PROM2: variants seen among roughly 807,000 people sequenced by gnomAD.
The protein encoded by PROM2 is prominin 2, also known as prominin-2.
In PROM2, 90 loss-of-function variants were observed where a neutral mutation model predicts 110.2. That is an observed-to-expected ratio of 0.82 (90% CI 0.69 to 0.97). PROM2 has a LOEUF of 0.97. Among genes scored for constraint, PROM2 ranks in the 50% least tolerant of loss-of-function variants. The pLI is 0.00. For missense variants in PROM2, 1,009 were observed against 1,074.8 expected (o/e 0.94, Z 0.86); for synonymous variants, 470 against 467.8 (o/e 1.00, Z -0.06).
chr2:95,287,012 C>T, intron 18 of PROM2, 121 bp from the exon 19 acceptor site: 1 of 1,261,310 alleles, frequency 7.9e-7, no homozygotes, highest in East Asian at 2.4e-5. Flanking sequence ...TGGGGGATCA[C>T]CACCCTTGGC....
chr2:95,287,590 A>G, intron 20 of PROM2, 126 bp downstream of exon 20: 1 of 889,980 alleles, frequency 1.1e-6, no homozygotes, highest in Non-Finnish European at 1.7e-6. Context: ...ATCAAACCCA[A>G]ACTCCCAAAC....
intron 16 of PROM2, 139 bp downstream of exon 16, chr2:95,285,849 C>G: frequency 1.3e-6 from 1 of 778,372 alleles, no homozygotes; most frequent in South Asian, 1.7e-5. Context: ...TGACCCCTGG[C>G]TGGGCTGGAG....
intron 23 of PROM2, 65 bp downstream of exon 23, chr2:95,289,071 G>T: frequency 2.3e-6 from 3 of 1,320,968 alleles, no homozygotes; most frequent in Non-Finnish European, 3.3e-6. Context: ...GTGGGGAGGG[G>T]CTGGGGTCTG....
At chr2:95,281,796 TG>T in intron 12 of PROM2, 128 bp from the exon 13 acceptor site, 1 of 701,890 alleles carries the variant, frequency 1.4e-6, no homozygotes, top group South Asian at 1.7e-5. Flanking sequence ...AGGTGTGAGC[TG>T]GGGTGAGGGG....
intron 10 of PROM2, 23 bp downstream of exon 10, chr2:95,279,167 A>G (rs1163837916): frequency 2.6e-5 from 10 of 388,788 alleles, no homozygotes; most frequent in Non-Finnish European, 4.2e-5. Context: ...GCAGGGTGGG[A>G]TGGGGTGGGG....
intron 20 of PROM2, 147 bp from the exon 21 acceptor site, chr2:95,288,064 C>A: frequency 1.4e-6 from 1 of 701,072 alleles, no homozygotes; most frequent in South Asian, 1.7e-5. Flanking sequence ...ACCTGCCTCT[C>A]TGCATGTGTA....
At chr2:95,277,856 C>T (rs1676766126) in intron 7 of PROM2, 74 bp from the exon 8 acceptor site, 2 of 1,287,400 alleles carry the variant, frequency 1.6e-6, no homozygotes, top group African/African-American at 1.5e-5. Flanking sequence ...GCCCCTGCCC[C>T]CCTCATCCAC....
At chr2:95,277,090 T>C in intron 6 of PROM2, 29 bp downstream of exon 6, 1 of 1,538,954 alleles carries the variant, frequency 6.5e-7, no homozygotes, top group Non-Finnish European at 8.8e-7. Flanking sequence ...CTGGATAGTG[T>C]GGAGCCCAGC....
rs1336295569 is a variant in PROM2 at position 95,276,523 on chromosome 2, G to T, written c.619-71G>T. On this transcript the variant is annotated intron_variant, in intron 4 of 23. Coordinates refer to ENST00000317620, the MANE Select transcript of PROM2 (RefSeq NM_001165978.3). The surrounding 1 kb of genome is among the most constrained non-coding windows in gnomAD (Gnocchi z 4.6). The stretch of plus-strand genomic sequence containing the variant: ...TGGATGCCATAGGGGCAGGGAAGGG[G>T]CCAGGGAGAGAAGGGCGTAAGGACT... 6.2e-7 allele frequency: 1 copy of T among 1,609,420 alleles called. No individual in the cohort carries two copies. Among genetic ancestry groups the T allele is most frequent in the African/African-American group, 1.3e-5 (1 of 74,846 alleles).
At chr2:95,277,138 C>T (rs1385681073) in intron 6 of PROM2, 77 bp downstream of exon 6, 1 of 1,338,184 alleles carries the variant, frequency 7.5e-7, no homozygotes, top group East Asian at 2.5e-5. Context: ...GCACCTAGCC[C>T]TGGATTTCCT....
At position 95,276,607 on chromosome 2, in the gene PROM2, T is replaced by C; in HGVS notation, c.632T>C (p.Val211Ala). 4 of 1,613,508 alleles carry C rather than the reference T, an allele frequency of 2.5e-6. No individual in the cohort carries two copies. The highest frequency in any genetic ancestry group is 3.4e-6 in the Non-Finnish European group (4 of 1,179,954). The change falls in exon 5 of 24, where the codon GTG becomes GCG. Residue 211 changes from valine (V) to alanine (A), a missense_variant. Transcript: ENST00000317620. The surrounding 1 kb of genome is among the most constrained non-coding windows in gnomAD (Gnocchi z 4.6). The stretch of plus-strand genomic sequence containing the variant: ...GTGTTTGCCTAGGAGCTGCAGGCCG[T>C]GGCACAGCAATTCTCCCTGCCCCAG... Reference protein sequence around the residue: ...VSDVPQELQAVAQQFSLPQEQ... With the variant: ...VSDVPQELQAAAQQFSLPQEQ...
chr2:95,279,245 CCT>C (rs1004826655), intron 10 of PROM2, 101 bp downstream of exon 10: 3 of 923,634 alleles, frequency 3.2e-6, no homozygotes, highest in African/African-American at 3.3e-5. Context: ...TCTATCAGCC[CCT>C]GACTGTACTG....
chr2:95,282,264 C>A, intron 14 of PROM2, 38 bp downstream of exon 14: 1 of 1,517,856 alleles, frequency 6.6e-7, no homozygotes, highest in South Asian at 1.2e-5. Flanking sequence ...GAGCCCTCCT[C>A]AGATCCCCCT....
In PROM2 at chr2:95,288,565, T is replaced by C. The variant is rs982361242; in HGVS notation, c.2417T>C (p.Phe806Ser). Residue 806 changes from phenylalanine to serine, a missense_variant, in exon 22 of 24, where the codon TTC becomes TCC. Physicochemically the swap from Phe to Ser is radical, Grantham distance 155 (BLOSUM62 -2). Coordinates refer to ENST00000317620, the MANE Select transcript of PROM2 (RefSeq NM_001165978.3). Reference sequence around the variant, plus strand: ...TTTGCCGTCAAGACCTCCAAATACTTCCGTCCTATCCGGAAACGCCTCAGG... The same window carrying C: ...TTTGCCGTCAAGACCTCCAAATACTCCCGTCCTATCCGGAAACGCCTCAGG... ...IIFAVKTSKY[F>S]RPIRKRLSST... The C allele has an allele frequency of 2.5e-6, 4 of 1,614,078 alleles. No homozygotes were observed.
At chr2:95,285,506 T>A (rs1364734999) in intron 15 of PROM2, 133 bp from the exon 16 acceptor site, 10 of 681,314 alleles carry the variant, frequency 1.5e-5, no homozygotes, top group Middle Eastern at 2.5e-4. Flanking sequence ...TCACTGTGAC[T>A]GATGTGTCAC....
rs764191361 is a variant in PROM2, at chr2:95,275,952, A to G, written c.317A>G (p.Tyr106Cys). The G allele has an allele frequency of 1.3e-5, 21 of 1,611,900 alleles. No homozygotes were observed. The highest frequency in any genetic ancestry group is 8.5e-7 in the Non-Finnish European group (1 of 1,179,692). The change falls in exon 3 of 24, where the codon TAC becomes TGC. Residue 106 changes from tyrosine (Y) to cysteine (C), a missense_variant. Transcript: ENST00000317620. The surrounding 1 kb of genome is among the most constrained non-coding windows in gnomAD (Gnocchi z 4.4). ...VNEVVRYEAGYVVCAVIAGLY... is the reference protein window; with the variant it reads ...VNEVVRYEAGCVVCAVIAGLY... ...CAGGTGGTGCGGTACGAGGCGGGCT[A>G]CGTGGTATGCGCTGTGATCGCGGGC...
At position 95,288,160 on chromosome 2, in the gene PROM2, G is replaced by A. The variant is rs372890086; in HGVS notation, c.2245-51G>A. ...CTCCCTGAATTGAATATGGGTGTGC[G>A]CCTGTGGGTCCAGGTGTCTCTGCAT... On this transcript the variant is annotated intron_variant, in intron 20 of 23. Coordinates refer to ENST00000317620, the MANE Select transcript of PROM2 (RefSeq NM_001165978.3). 891 of 1,574,166 alleles carry A rather than the reference G, an allele frequency of 5.7e-4. 8 individuals are homozygous for A. The highest frequency in any genetic ancestry group is 1.1e-3 in the South Asian group (103 of 90,218).
chr2:95,287,251 C>T (rs1677417851), intron 19 of PROM2, 38 bp downstream of exon 19: 3 of 1,597,468 alleles, frequency 1.9e-6, no homozygotes, highest in Non-Finnish European at 8.6e-7. Context: ...GCTTCCACCC[C>T]AGGCTTCTCC....
Position 95,288,472 on chromosome 2 carries a change from C to A in PROM2, c.2335-11C>A, listed in dbSNP as rs769008543. The A allele has an allele frequency of 6.2e-7, 1 of 1,613,340 alleles. No homozygotes were observed. The highest frequency in any genetic ancestry group is 1.1e-5 in the South Asian group (1 of 91,008). On this transcript the variant is annotated splice_polypyrimidine_tract_variant and intron_variant, in intron 21 of 23. Transcript: ENST00000317620. ...CGTGGGTTGGTGAGCCGACCTCACGCCTTGTTGCAGAATGCCTTCTGGTTC... is the reference window on the plus strand; with the variant it reads ...CGTGGGTTGGTGAGCCGACCTCACGACTTGTTGCAGAATGCCTTCTGGTTC...
Sources: gnomAD v4.1 joint callset for allele counts on GRCh38, gnomAD v4.1.1 for gene constraint, Gnocchi (gnomAD v3.1) non-coding constraint, MANE v1.5 for transcripts, NCBI Gene and HGNC (gene_info 2026-07-23, HGNC 2026-07-21) for gene names.